Variants in SETD4 observed in about 807,000 individuals in gnomAD.
SETD4 encodes SET domain-containing protein 4.
SETD4 carries 46 observed loss-of-function variants against 58.3 expected under a neutral mutation model. The ratio of observed to expected loss-of-function variants is 0.79; its 90% CI spans 0.62 to 1.01. The LOEUF (loss-of-function observed/expected upper bound fraction) is 1.01, where lower values mean the gene tolerates loss of function less well. Among genes scored for constraint, SETD4 ranks in the 50% least tolerant of loss-of-function variants. The pLI is 0.00. For missense variants in SETD4, 490 were observed against 523.3 expected (o/e 0.94, Z 0.62); for synonymous variants, 190 against 202.6 (o/e 0.94, Z 0.53).
intron 8 of SETD4, 113 bp downstream of exon 8, chr21:36,041,694 C>T (rs186520178): frequency 1.6e-5 from 11 of 683,498 alleles, no homozygotes; most frequent in Admixed American, 1.5e-4. Context: ...AATACCTACC[C>T]GTCAGCTGAT....
At chr21:36,039,854 C>A (rs2063960994) in intron 9 of SETD4, among the ~76,000 whole-genome samples, 1 of 152,252 alleles carries the variant, frequency 6.6e-6, no homozygotes, top group Admixed American at 6.5e-5. Flanking sequence ...ACAGGCGTCA[C>A]TGAAGGGGCA....
At chr21:36,041,159 CAAAAAAAAAAAAA>C (rs35920101) in intron 8 of SETD4, among the ~76,000 whole-genome samples, 18 of 40,032 alleles carry the variant, frequency 4.5e-4, no homozygotes, top group African/African-American at 8.6e-4. Flanking sequence ...GACTCCTTCT[CAAAAAAAAAAAAA>C]AAAAAAAAAA....
At chr21:36,040,687 A>C in intron 8 of SETD4, 32 bp from the exon 9 acceptor site, 1 of 1,574,560 alleles carries the variant, frequency 6.4e-7, no homozygotes, top group South Asian at 1.1e-5. Flanking sequence ...TGACAAATCC[A>C]TCATTTCAGT....
At chr21:36,044,811 C>T (rs1347157300) in intron 6 of SETD4, among the ~76,000 whole-genome samples, 1 of 152,214 alleles carries the variant, frequency 6.6e-6, no homozygotes, top group African/African-American at 2.4e-5. Context: ...GGCCAGGACA[C>T]AGATCCCAGC....
chr21:36,048,580 G>A, intron 4 of SETD4, among the ~76,000 whole-genome samples, 184 bp from the exon 5 acceptor site: 1 of 152,058 alleles, frequency 6.6e-6, no homozygotes. Flanking sequence ...ATGCACACGA[G>A]GCTGCTCCAA....
At chr21:36,053,392 A>C (rs2064813329) in intron 4 of SETD4, 191 bp downstream of exon 4, 1 of 631,826 alleles carries the variant, frequency 1.6e-6, no homozygotes, top group African/African-American at 1.8e-5. Context: ...CTGCTTAAGC[A>C]CCTCAATTTT....
chr21:36,057,830 A>C (rs2065063332), intron 2 of SETD4, among the ~76,000 whole-genome samples: 1 of 152,270 alleles, frequency 6.6e-6, no homozygotes, highest in African/African-American at 2.4e-5. Context: ...TGCAAAGGCA[A>C]ATCAGTGGAA....
chr21:36,043,669 A>G, intron 7 of SETD4, 113 bp downstream of exon 7: 1 of 1,489,836 alleles, frequency 6.7e-7, no homozygotes. Context: ...AAAATTAGTG[A>G]TATGTATGTC....
At chr21:36,048,418 T>G (rs769313498) in intron 4 of SETD4, 22 bp from the exon 5 acceptor site, 2 of 1,609,460 alleles carry the variant, frequency 1.2e-6, no homozygotes, top group Non-Finnish European at 8.5e-7. Context: ...GAAAGTAAAG[T>G]TGAGGACGCC....
At position 36,036,241 on chromosome 21, in the gene SETD4, A is replaced by T. The variant is rs2063773610; in HGVS notation, c.1199T>A (p.Met400Lys). 6.3e-7 allele frequency: 1 copy of T among 1,594,008 alleles called. No homozygotes were observed. The highest frequency in any genetic ancestry group is 1.2e-5 in the South Asian group (1 of 86,918). ...TATCAGGGCCTCTTTTTCATCCTTCATATGAGACACCTGAAAGTTATTTTT... is the reference window on the plus strand; with the variant it reads ...TATCAGGGCCTCTTTTTCATCCTTCTTATGAGACACCTGAAAGTTATTTTT... ...TNAVLQKVSH[M>K]KDEKEALINQ... Residue 400 changes from methionine to lysine, a missense_variant, in exon 11 of 12, where the codon ATG (methionine) becomes AAG (lysine). Met to Lys is a moderately conservative substitution (Grantham distance 95). Transcript: ENST00000332131.
intron 7 of SETD4, chr21:36,042,286 A>G (rs1031799882): frequency 1.3e-5 from 2 of 152,980 alleles, no homozygotes; most frequent in African/African-American, 2.4e-5. Flanking sequence ...AGCAGTCTGG[A>G]TATTAGTGAC....
In SETD4 at chr21:36,048,470, C is replaced by A. The variant is rs981676886; in HGVS notation, c.208-74G>T. On this transcript the variant is annotated intron_variant, in intron 4 of 11. Transcript: ENST00000332131. Reference sequence around the variant, plus strand: ...CCCATGAGTATGAGTCTTACAAAGTCGTTGATCCCACAATCACCTACCAGT... The same window carrying A: ...CCCATGAGTATGAGTCTTACAAAGTAGTTGATCCCACAATCACCTACCAGT... 4.4e-6 allele frequency: 6 copies of A among 1,350,424 alleles called. No homozygotes were observed. In the Admixed American group the frequency reaches 1.0e-4, roughly 23 times the overall value. The allele number at this position is 1,350,424 out of a possible 1,614,324, so 83.7% of individuals were successfully genotyped here.
intron 4 of SETD4, chr21:36,050,685 G>C: frequency 6.2e-7 from 1 of 1,605,284 alleles, no homozygotes; most frequent in South Asian, 1.1e-5. Context: ...CCCAATGGTA[G>C]TAAAGAATAC....
At chr21:36,037,246 G>A (rs2063822792) in intron 10 of SETD4, among the ~76,000 whole-genome samples, 1 of 152,062 alleles carries the variant, frequency 6.6e-6, no homozygotes, top group Non-Finnish European at 1.5e-5. Context: ...AGCCATCCAC[G>A]ATGTATACCT....
chr21:36,059,231 G>A (rs542995310), intron 1 of SETD4: 2 of 167,058 alleles, frequency 1.2e-5, no homozygotes, highest in Non-Finnish European at 2.6e-5. Flanking sequence ...AAATAGCTAG[G>A]CGTGGTGGCA....
At chr21:36,045,363 G>A (rs1423346925) in intron 6 of SETD4, among the ~76,000 whole-genome samples, 2 of 152,232 alleles carry the variant, frequency 1.3e-5, no homozygotes, top group Non-Finnish European at 2.9e-5. Context: ...TAGGCCTGAA[G>A]AGCAGAGTGA....
chr21:36,049,540 A>C (rs1156326997), intron 4 of SETD4, among the ~76,000 whole-genome samples: 1 of 152,142 alleles, frequency 6.6e-6, no homozygotes, highest in African/African-American at 2.4e-5. Context: ...GGGCGACAGA[A>C]CGTGACTCCG....
In SETD4 at chr21:36,058,905, CT is replaced by C; in HGVS notation, c.-18del. On this transcript the variant is annotated 5_prime_UTR_variant, in exon 2 of 12. Coordinates refer to ENST00000332131, the MANE Select transcript of SETD4 (RefSeq NM_017438.5). Reference sequence around the variant, plus strand: ...TTTCTGCATGCTAAAACTGTAGTTTCTTTTTTCTGAAATACAGTTCTATTTT... The same window carrying C: ...TTTCTGCATGCTAAAACTGTAGTTTCTTTTTCTGAAATACAGTTCTATTTT... 1 of 1,573,368 alleles carries C rather than the reference CT, an allele frequency of 6.4e-7. No individual in the cohort carries two copies.
Position 36,060,181 on chromosome 21 carries a change from A to C in SETD4, c.-37+166T>G, listed in dbSNP as rs547174935. ...GCTAAGTGTAGGACTCCACAAGATG[A>C]GAGGTTACTGCAGCGCACACGATAA... is the stretch of plus-strand genomic sequence containing the variant. On this transcript the variant is annotated intron_variant, in intron 1 of 11. Coordinates refer to ENST00000332131, the MANE Select transcript of SETD4 (RefSeq NM_017438.5). 10 of 957,748 alleles carry C rather than the reference A, an allele frequency of 1.0e-5. No homozygotes were observed. The Admixed American group carries it at 3.7e-4, about 35-fold the overall frequency. The allele number at this position is 957,748 out of a possible 1,614,324, so 59.3% of individuals were successfully genotyped here. A position where few individuals can be genotyped will look rare whatever the true frequency, so the allele number is the denominator to read the frequency against.
Sources: allele counts gnomAD v4.1 joint callset (sites outside exome capture counted in the v4.1 genomes callset), GRCh38; gene constraint gnomAD v4.1.1; transcripts MANE v1.5; gene names NCBI Gene and HGNC (gene_info 2026-07-23, HGNC 2026-07-21).